The following PRH1 variants were observed in gnomAD, a reference collection of about 807,000 sequenced individuals.
PRH1 encodes the protein proline rich protein HaeIII subfamily 1.
PRH1 carries 7 observed loss-of-function variants against 7.9 expected under a neutral mutation model. The observed-to-expected ratio is 0.89, with a 90% CI of 0.50 to 1.67. The LOEUF (loss-of-function observed/expected upper bound fraction) is 1.67, where lower values mean the gene tolerates loss of function less well. PRH1 is among the 40% of genes most tolerant of loss of function. The probability of loss-of-function intolerance (pLI) is 0.00; values close to 1 mark genes in which losing one functional copy is unlikely to be tolerated. For synonymous variants in PRH1, 45 were observed against 80.8 expected (o/e 0.56, Z 2.38); for missense variants, 109 against 223.6 (o/e 0.49, Z 3.27).
rs772367103 is a variant in PRH1 at position 11,092,265 on chromosome 12, G to C, written n.124-45077C>G. On this transcript the variant is annotated intron_variant and non_coding_transcript_variant, in intron 1 of 4. Transcript: ENST00000541977. ...ACAAAAAAAATTTTTTTAAATGCTG[G>C]TGTTGTGTCCGGAATTGGTTCCTGC... 1.1e-5 allele frequency: 14 copies of C among 1,219,626 alleles called. No individual in the cohort carries two copies. In the South Asian group the frequency reaches 1.6e-4, roughly 14 times the overall value. The allele number at this position is 1,219,626 out of a possible 1,614,324, so 75.6% of individuals were successfully genotyped here.
chr12:11,137,932 G>A (rs181640459), intron 1 of PRH1, among the ~76,000 whole-genome samples: 1 of 152,084 alleles, frequency 6.6e-6, no homozygotes, highest in African/African-American at 2.4e-5. Context: ...AGACTTCAAA[G>A]TAATGAGAGA....
intron 1 of PRH1, among the ~76,000 whole-genome samples, chr12:11,023,753 C>A (rs751301792): frequency 4.6e-5 from 7 of 152,198 alleles, no homozygotes; most frequent in Non-Finnish European, 7.3e-5. Context: ...CCTTATCTAC[C>A]CTAAATCAGC....
intron 1 of PRH1, among the ~76,000 whole-genome samples, chr12:11,146,006 A>G (rs2136408092): frequency 6.6e-6 from 1 of 152,272 alleles, no homozygotes; most frequent in East Asian, 1.9e-4. Context: ...TTATACATGC[A>G]TATCAAAAAG....
intron 1 of PRH1, among the ~76,000 whole-genome samples, chr12:11,023,678 A>G (rs973938531): frequency 7.2e-5 from 11 of 152,154 alleles, no homozygotes; most frequent in African/African-American, 2.7e-4. Flanking sequence ...CCATGAGGAC[A>G]TCATCTGGCT....
At chr12:11,106,223 A>G (rs1254447017) in intron 1 of PRH1, among the ~76,000 whole-genome samples, 1 of 46,664 alleles carries the variant, frequency 2.1e-5, no homozygotes, top group Non-Finnish European at 6.5e-5. Flanking sequence ...TACAGGCGTG[A>G]GCCACCGCGC....
chr12:10,990,128 A>G (rs906970965), intron 1 of PRH1, among the ~76,000 whole-genome samples: 2 of 152,218 alleles, frequency 1.3e-5, no homozygotes, highest in Non-Finnish European at 2.9e-5. Flanking sequence ...AAACAGACAC[A>G]TAGAGCAGCG....
chr12:11,114,335 A>G (rs913233824), intron 1 of PRH1, among the ~76,000 whole-genome samples: 1 of 149,606 alleles, frequency 6.7e-6, no homozygotes, highest in Non-Finnish European at 1.5e-5. Flanking sequence ...ATAAAAAAGG[A>G]TGAGTTCATG....
chr12:11,078,324 TA>T (rs1345424627), intron 1 of PRH1: 12 of 274,750 alleles, frequency 4.4e-5, no homozygotes, highest in Non-Finnish European at 6.6e-5. Flanking sequence ...TTAACTTCGA[TA>T]AACACTTGAT....
chr12:11,098,495 C>T (rs2708366), intron 1 of PRH1, among the ~76,000 whole-genome samples: 69,170 of 151,968 alleles, frequency 0.46, 16,549 homozygotes, highest in Non-Finnish European at 0.53. Context: ...CAAATAAGAA[C>T]GTACTCTCTT....
intron 1 of PRH1, among the ~76,000 whole-genome samples, chr12:11,159,909 T>C (rs939717329): frequency 3.9e-5 from 6 of 152,226 alleles, no homozygotes; most frequent in African/African-American, 1.4e-4. Flanking sequence ...TGTTAAGAGA[T>C]ACAAAGCTTC....
At chr12:11,024,755 A>C (rs1411044453) in intron 1 of PRH1, among the ~76,000 whole-genome samples, 1 of 51,936 alleles carries the variant, frequency 1.9e-5, no homozygotes, top group Non-Finnish European at 5.5e-5. Flanking sequence ...ACATTCTTTC[A>C]CATATCATTT....
rs1268733479 is a variant in PRH1 at position 11,080,633 on chromosome 12, T to G, written n.124-33445A>C. On this transcript the variant is annotated intron_variant and non_coding_transcript_variant, in intron 1 of 4. Coordinates refer to the PRH1 transcript ENST00000541977. ...TTGCATATATCTTATCGATTATACA[T>G]TCAATCCAGGAAGACACTATTTTAT... Among the ~76,000 whole-genome samples, 2 of 118,068 alleles carry G rather than the reference T, an allele frequency of 1.7e-5. 1 individual carries two copies. The highest frequency in any genetic ancestry group is 4.0e-5 in the Non-Finnish European group (2 of 49,406). 77.5% of individuals were successfully genotyped at this position (118,068 alleles called of 152,430 possible). A position where few individuals can be genotyped will look rare whatever the true frequency, so the allele number is the denominator to read the frequency against.
chr12:11,102,499 C>G (rs1319502916), intron 1 of PRH1, among the ~76,000 whole-genome samples: 1 of 152,118 alleles, frequency 6.6e-6, no homozygotes, highest in Non-Finnish European at 1.5e-5. Flanking sequence ...ATGTAGAAAG[C>G]TGAAACTGGA....
chr12:11,134,413 C>T (rs1946487515), intron 1 of PRH1: 12 of 819,792 alleles, frequency 1.5e-5, no homozygotes, highest in Non-Finnish European at 2.0e-5. Flanking sequence ...ATCACCATGG[C>T]ATGCTAATGG....
intron 1 of PRH1, chr12:11,132,997 A>G (rs1213246529): frequency 1.8e-5 from 6 of 334,076 alleles, no homozygotes; most frequent in Admixed American, 4.3e-5. Flanking sequence ...GAAATATAAA[A>G]TACATGTATG....
intron 1 of PRH1, chr12:11,062,031 C>T (rs755754588): frequency 2.6e-5 from 42 of 1,613,442 alleles, no homozygotes; most frequent in Non-Finnish European, 3.2e-5. Flanking sequence ...TGATTACTGC[C>T]CAGACATTGT....
At chr12:11,061,278 T>C in intron 1 of PRH1, 2 of 1,518,298 alleles carry the variant, frequency 1.3e-6, no homozygotes, top group Non-Finnish European at 1.8e-6. Flanking sequence ...TATACATACA[T>C]TACAGAAAAC....
At chr12:11,110,765 G>A (rs2097204982) in intron 1 of PRH1, among the ~76,000 whole-genome samples, 1 of 152,002 alleles carries the variant, frequency 6.6e-6, no homozygotes, top group African/African-American at 2.4e-5. Flanking sequence ...AAAATAACCA[G>A]CTAGCATCAT....
chr12:11,047,410 T>C (rs1416412998), upstream of PRH1, among the ~76,000 whole-genome samples: 3 of 152,164 alleles, frequency 2.0e-5, no homozygotes, highest in Non-Finnish European at 4.4e-5. Flanking sequence ...ATTGAATTTT[T>C]TTGAGAAATA....
Sources: allele counts gnomAD v4.1 joint callset (sites outside exome capture counted in the v4.1 genomes callset), GRCh38; gene constraint gnomAD v4.1.1; transcripts MANE v1.5; gene names NCBI Gene and HGNC (gene_info 2026-07-23, HGNC 2026-07-21).